The following ADAMTSL1 variants were observed in gnomAD, a reference collection of about 807,000 sequenced individuals.
ADAMTSL1 encodes the protein ADAMTS-like protein 1.
In ADAMTSL1, 126 loss-of-function variants were observed where a neutral mutation model predicts 201.8. The observed-to-expected ratio is 0.62, with a 90% CI of 0.54 to 0.72. The LOEUF (loss-of-function observed/expected upper bound fraction) is 0.72, where lower values mean the gene tolerates loss of function less well. Ranked by LOEUF, ADAMTSL1 falls within the 30% of genes least tolerant of loss-of-function variation. The pLI is 0.00. For missense variants in ADAMTSL1, 2,679 were observed against 2,277.8 expected (o/e 1.18, Z -3.59); for synonymous variants, 1,121 against 903.4 (o/e 1.24, Z -4.32).
intron 2 of ADAMTSL1, among the ~76,000 whole-genome samples, chr9:18,528,714 T>C (rs1175257726): frequency 6.6e-6 from 1 of 152,216 alleles, no homozygotes; most frequent in Admixed American, 6.5e-5. Flanking sequence ...CTAATACTTA[T>C]ATTTTGTTCT....
At chr9:18,639,028 G>A (rs767399889) in intron 6 of ADAMTSL1, among the ~76,000 whole-genome samples, 1 of 152,080 alleles carries the variant, frequency 6.6e-6, no homozygotes, top group Non-Finnish European at 1.5e-5. Context: ...AGGAACCCTT[G>A]AATGCCTGGC....
At chr9:18,663,144 A>G (rs1829209571) in intron 9 of ADAMTSL1, among the ~76,000 whole-genome samples, 1 of 151,996 alleles carries the variant, frequency 6.6e-6, no homozygotes, top group Admixed American at 6.6e-5. Context: ...TCTGCTGTCA[A>G]TTTCTTGAGG....
intron 2 of ADAMTSL1, among the ~76,000 whole-genome samples, chr9:18,321,523 G>A (rs1834618029): frequency 6.6e-6 from 1 of 152,214 alleles, no homozygotes; most frequent in Admixed American, 6.5e-5. Context: ...GCTGGGCGCG[G>A]TGGCTCACGC....
intron 15 of ADAMTSL1, among the ~76,000 whole-genome samples, chr9:18,738,238 C>T (rs757208149): frequency 1.3e-5 from 2 of 152,056 alleles, no homozygotes; most frequent in African/African-American, 2.4e-5. Flanking sequence ...AGAAGTTTTG[C>T]GTTTTCTCTA....
chr9:18,554,265 T>C (rs1259438816), intron 3 of ADAMTSL1, among the ~76,000 whole-genome samples: 1 of 151,850 alleles, frequency 6.6e-6, no homozygotes. Context: ...TTATTTTGCA[T>C]CCTGTGTCTG....
chr9:18,363,398 T>C (rs2791442), intron 2 of ADAMTSL1, among the ~76,000 whole-genome samples: 86,314 of 152,154 alleles, frequency 0.57, 24,664 homozygotes, highest in East Asian at 0.65. Context: ...CAGGATTTAA[T>C]TAATTCTTTG....
intron 5 of ADAMTSL1, among the ~76,000 whole-genome samples, chr9:18,624,594 A>G (rs532814331): frequency 6.6e-6 from 1 of 152,244 alleles, no homozygotes; most frequent in South Asian, 2.1e-4. Flanking sequence ...TTTAATGGTA[A>G]AGGTGCTTCT....
intron 23 of ADAMTSL1, among the ~76,000 whole-genome samples, chr9:18,882,018 G>A (rs1828565646): frequency 6.6e-6 from 1 of 152,124 alleles, no homozygotes; most frequent in African/African-American, 2.4e-5. Flanking sequence ...GGAGGAATTT[G>A]GATGTGATTT....
At chr9:18,675,070 G>A (rs191323716) in intron 9 of ADAMTSL1, among the ~76,000 whole-genome samples, 22 of 152,262 alleles carry the variant, frequency 1.4e-4, no homozygotes, top group Non-Finnish European at 2.4e-4. Flanking sequence ...TGGATCCTGA[G>A]CATTCACTCT....
chr9:18,565,750 G>A lies in ADAMTSL1; in HGVS notation c.238-8280G>A, dbSNP rs549621476. ...TAAAATGTAACAGAGTTGTCTCCACGCAGACTGTCTAGACAGGGCAGCAAC... is the reference window on the plus strand; with the variant it reads ...TAAAATGTAACAGAGTTGTCTCCACACAGACTGTCTAGACAGGGCAGCAAC... On this transcript the variant is annotated intron_variant, in intron 3 of 28. Coordinates refer to ENST00000380548, the MANE Select transcript of ADAMTSL1 (RefSeq NM_001040272.6). 3.9e-5 allele frequency among the ~76,000 whole-genome samples: 6 copies of A among 152,198 alleles called. No individual in the cohort carries two copies. The South Asian group carries it at 6.2e-4, about 16-fold the overall frequency.
chr9:18,412,911 G>A lies in ADAMTSL1; in HGVS notation c.208-91918G>A, dbSNP rs141996884. Among the ~76,000 whole-genome samples the A allele has an allele frequency of 5.9e-3, 900 of 152,228 alleles. 5 individuals are homozygous for A. The highest frequency in any genetic ancestry group is 9.8e-3 in the Non-Finnish European group (664 of 67,998). On this transcript the variant is annotated intron_variant, in intron 2 of 29. Coordinates refer to the ADAMTSL1 transcript ENST00000680146. ...TTCCTTTAAATAGGTATGATTTGCT[G>A]ATATTTCGTATGTGATTTTTGCATC...
intron 1 of ADAMTSL1, among the ~76,000 whole-genome samples, chr9:17,940,802 A>ACCCCCCC (rs60278506): frequency 7.9e-5 from 4 of 50,792 alleles, no homozygotes; most frequent in Non-Finnish European, 1.0e-4. Flanking sequence ...AGTAAATAAC[A>ACCCCCCC]CCCCCCCCCC....
At chr9:18,863,465 A>C (rs1827328949) in intron 23 of ADAMTSL1, among the ~76,000 whole-genome samples, 1 of 152,184 alleles carries the variant, frequency 6.6e-6, no homozygotes, top group African/African-American at 2.4e-5. Flanking sequence ...TCTTAAAGTT[A>C]GTTTTCTTTG....
intron 2 of ADAMTSL1, among the ~76,000 whole-genome samples, chr9:18,211,656 T>C (rs1250999951): frequency 1.3e-5 from 2 of 152,186 alleles, no homozygotes; most frequent in African/African-American, 4.8e-5. Flanking sequence ...TGCAAAAATG[T>C]GGCAATCCCT....
intron 15 of ADAMTSL1, among the ~76,000 whole-genome samples, chr9:18,745,906 C>A (rs536706368): frequency 8.5e-5 from 13 of 152,194 alleles, no homozygotes; most frequent in African/African-American, 3.1e-4. Context: ...CCTGGCCCAG[C>A]GCTGACCCCT....
At chr9:18,561,139 G>C (rs533191022) in intron 3 of ADAMTSL1, among the ~76,000 whole-genome samples, 4 of 152,080 alleles carry the variant, frequency 2.6e-5, no homozygotes, top group African/African-American at 9.7e-5. Context: ...GTCGATTTTA[G>C]ATCTTTCCCA....
chr9:18,821,531 T>C (rs1824210087), intron 21 of ADAMTSL1, among the ~76,000 whole-genome samples: 1 of 152,180 alleles, frequency 6.6e-6, no homozygotes, highest in South Asian at 2.1e-4. Flanking sequence ...CTACAAAGGA[T>C]GCTGGGGAAG....
chr9:18,626,870 T>TA (rs1311273607), intron 5 of ADAMTSL1, among the ~76,000 whole-genome samples: 1,994 of 141,718 alleles, frequency 0.014, 33 homozygotes, highest in African/African-American at 0.027. Flanking sequence ...TTTCTTTCTG[T>TA]CTTTCTTCCT....
chr9:18,425,174 C>A (rs1819150808), intron 2 of ADAMTSL1, among the ~76,000 whole-genome samples: 1 of 152,010 alleles, frequency 6.6e-6, no homozygotes. Context: ...CTCTCCCTCT[C>A]TTCGTTTCCT....
Sources: gnomAD v4.1 joint callset for allele counts (sites outside exome capture counted in the v4.1 genomes callset) on GRCh38, gnomAD v4.1.1 for gene constraint, MANE v1.5 for transcripts, NCBI Gene and HGNC (gene_info 2026-07-23, HGNC 2026-07-21) for gene names.